The following PRKCE variants were observed in gnomAD, a reference collection of about 807,000 sequenced individuals.
The protein encoded by PRKCE is protein kinase C epsilon type.
Under a neutral mutation model 85.4 loss-of-function variants are expected in PRKCE, and 16 were observed. That is an observed-to-expected ratio of 0.19 (90% CI 0.13 to 0.28). PRKCE has a LOEUF of 0.28. PRKCE is among the 10% of genes least tolerant of loss of function. PRKCE has a pLI of 1.00. For synonymous variants in PRKCE, 388 were observed against 371.5 expected (o/e 1.04, Z -0.51); for missense variants, 573 against 975.2 (o/e 0.59, Z 5.49).
chr2:45,680,724 G>A (rs530474837), intron 1 of PRKCE, among the ~76,000 whole-genome samples: 1 of 152,324 alleles, frequency 6.6e-6, no homozygotes, highest in Non-Finnish European at 1.5e-5. Flanking sequence ...CTATTGTAGA[G>A]TCTTTCCAAT....
chr2:46,100,302 C>T (rs59747797), intron 11 of PRKCE, among the ~76,000 whole-genome samples: 8,260 of 152,206 alleles, frequency 0.054, 787 homozygotes, highest in African/African-American at 0.19. Context: ...GCTCTGCTCT[C>T]GGTATGTCAA....
At chr2:46,050,878 C>T (rs1466744869) in intron 10 of PRKCE, among the ~76,000 whole-genome samples, 2 of 152,150 alleles carry the variant, frequency 1.3e-5, no homozygotes, top group African/African-American at 4.8e-5. Flanking sequence ...TTTCTCAGTG[C>T]CCACAATGGG....
chr2:46,009,061 G>T (rs1705441739), intron 9 of PRKCE, among the ~76,000 whole-genome samples: 1 of 152,216 alleles, frequency 6.6e-6, no homozygotes, highest in Admixed American at 6.5e-5. Flanking sequence ...TATTTAAGAA[G>T]AGAAAGGCTT....
intron 6 of PRKCE, 133 bp downstream of exon 6, chr2:45,984,813 C>A (rs990427867): frequency 3.1e-6 from 4 of 1,270,040 alleles, no homozygotes; most frequent in Non-Finnish European, 4.3e-6. Flanking sequence ...CTTTGTTAAT[C>A]CTGCATTAGT....
chr2:46,090,455 T>C (rs1325378982), intron 11 of PRKCE, among the ~76,000 whole-genome samples: 1 of 152,138 alleles, frequency 6.6e-6, no homozygotes, highest in African/African-American at 2.4e-5. Flanking sequence ...CTTCTGTGAT[T>C]GAGAACTCCA....
intron 13 of PRKCE, among the ~76,000 whole-genome samples, chr2:46,153,254 T>A (rs1479463607): frequency 1.3e-5 from 2 of 152,130 alleles, no homozygotes; most frequent in Admixed American, 1.3e-4. Context: ...GCAAATAGAG[T>A]ATGTTCATTC....
chr2:46,123,977 A>C (rs1030826235), intron 11 of PRKCE, among the ~76,000 whole-genome samples: 2 of 152,238 alleles, frequency 1.3e-5, no homozygotes, highest in Non-Finnish European at 2.9e-5. Flanking sequence ...TGTGTCAAAC[A>C]ATTTCACCAA....
At chr2:46,099,498 GTA>G (rs1671008783) in intron 11 of PRKCE, among the ~76,000 whole-genome samples, 1 of 133,550 alleles carries the variant, frequency 7.5e-6, no homozygotes, top group Admixed American at 7.5e-5. Flanking sequence ...ATAAGGTATG[GTA>G]TTTTTTTTTT....
At chr2:45,806,531 C>G (rs1034720336) in intron 1 of PRKCE, among the ~76,000 whole-genome samples, 5 of 152,200 alleles carry the variant, frequency 3.3e-5, no homozygotes, top group Non-Finnish European at 5.9e-5. Context: ...CATCTATCCA[C>G]AAAACTCTTT....
chr2:45,685,951 A>G (rs1189249224), intron 1 of PRKCE, among the ~76,000 whole-genome samples: 13 of 152,220 alleles, frequency 8.5e-5, no homozygotes, highest in Admixed American at 8.5e-4. Context: ...ATGATAGCTT[A>G]GCAGATTTTG....
At chr2:45,982,076 A>G (rs1702933279) in intron 5 of PRKCE, among the ~76,000 whole-genome samples, 1 of 152,216 alleles carries the variant, frequency 6.6e-6, no homozygotes, top group Non-Finnish European at 1.5e-5. Flanking sequence ...CAAGGGACAA[A>G]TTGCCAGGGA....
At chr2:46,012,505 T>G (rs1294163604) in intron 10 of PRKCE, among the ~76,000 whole-genome samples, 2 of 152,180 alleles carry the variant, frequency 1.3e-5, no homozygotes, top group African/African-American at 4.8e-5. Flanking sequence ...ACAGGGTCCC[T>G]TCTGTTGGAG....
At chr2:45,742,291 T>C (rs904863207) in intron 1 of PRKCE, among the ~76,000 whole-genome samples, 4 of 152,022 alleles carry the variant, frequency 2.6e-5, no homozygotes, top group Non-Finnish European at 5.9e-5. Flanking sequence ...TTAAAACCTG[T>C]GCAAAAGGTG....
intron 1 of PRKCE, among the ~76,000 whole-genome samples, chr2:45,684,687 G>T (rs1393766270): frequency 6.6e-6 from 1 of 152,162 alleles, no homozygotes; most frequent in African/African-American, 2.4e-5. Context: ...GGGCAAGTTG[G>T]GACTGCACCT....
At chr2:46,055,904 C>T (rs1024459985) in intron 10 of PRKCE, among the ~76,000 whole-genome samples, 20 of 152,326 alleles carry the variant, frequency 1.3e-4, no homozygotes, top group Middle Eastern at 3.4e-3. Context: ...CTCAAATGAT[C>T]TGCCCGCCTT....
intron 11 of PRKCE, among the ~76,000 whole-genome samples, chr2:46,143,584 C>T (rs545071449): frequency 6.6e-6 from 1 of 152,244 alleles, no homozygotes; most frequent in East Asian, 1.9e-4. Context: ...GGTGACTTTA[C>T]CAGGACAAGG....
At chr2:45,934,884 C>G (rs1370291185) in intron 2 of PRKCE, among the ~76,000 whole-genome samples, 1 of 121,836 alleles carries the variant, frequency 8.2e-6, no homozygotes, top group African/African-American at 3.4e-5. Flanking sequence ...GAGACCATGT[C>G]TCTACAAAAA....
intron 12 of PRKCE, among the ~76,000 whole-genome samples, chr2:46,148,522 G>A (rs561919350): frequency 9.2e-5 from 14 of 152,304 alleles, no homozygotes; most frequent in South Asian, 4.2e-4. Context: ...GCCTCCTTCC[G>A]AGAAGCTGGA....
intron 1 of PRKCE, among the ~76,000 whole-genome samples, chr2:45,706,947 A>G (rs1679163427): frequency 6.6e-6 from 1 of 152,234 alleles, no homozygotes; most frequent in South Asian, 2.1e-4. Flanking sequence ...GCAATGACAG[A>G]CATGAACTGG....
Sources: gnomAD v4.1 joint callset for allele counts (sites outside exome capture counted in the v4.1 genomes callset) on GRCh38, gnomAD v4.1.1 for gene constraint, MANE v1.5 for transcripts, NCBI Gene and HGNC (gene_info 2026-07-23, HGNC 2026-07-21) for gene names.